FIG4: variants seen among roughly 807,000 people sequenced by gnomAD.
The protein encoded by FIG4 is FIG4 phosphoinositide 5-phosphatase.
Under a neutral mutation model 118.6 loss-of-function variants are expected in FIG4, and 112 were observed. The observed-to-expected ratio is 0.94, with a 90% CI of 0.81 to 1.11. The LOEUF is 1.11. FIG4 is among the 50% of genes least tolerant of loss of function. FIG4 has a pLI of 0.00. For missense variants in FIG4, 969 were observed against 1,111.7 expected (o/e 0.87, Z 1.83); for synonymous variants, 369 against 381.2 (o/e 0.97, Z 0.37).
At chr6:109,698,980 ACT>A (rs1774819182) in intron 1 of FIG4, among the ~76,000 whole-genome samples, 1 of 152,164 alleles carries the variant, frequency 6.6e-6, no homozygotes, top group Non-Finnish European at 1.5e-5. Context: ...TATCAGGATA[ACT>A]CTAGCTTCAT....
Position 109,789,566 on chromosome 6 carries a change from A to G in FIG4, c.2097-28A>G, listed in dbSNP as rs372095573. 4.7e-6 allele frequency: 7 copies of G among 1,504,448 alleles called. No homozygotes were observed. The African/African-American group carries it at 8.2e-5, about 18-fold the overall frequency. The allele number at this position is 1,504,448 out of a possible 1,614,324, so 93.2% of individuals were successfully genotyped here. ...ATCATCTGGATGGACAGTAATTCAT[A>G]TGTAATTGTGTTTTCACCTTTCTTT... is the stretch of plus-strand genomic sequence containing the variant. On this transcript the variant is annotated intron_variant, in intron 18 of 22. Coordinates refer to ENST00000230124, the MANE Select transcript of FIG4 (RefSeq NM_014845.6).
At chr6:109,723,157 T>G (rs1421029340) in intron 3 of FIG4, among the ~76,000 whole-genome samples, 2 of 152,228 alleles carry the variant, frequency 1.3e-5, no homozygotes, top group African/African-American at 2.4e-5. Flanking sequence ...TGTTTTCCTT[T>G]GTTTTTATTA....
chr6:109,714,907 G>C (rs1292026361), intron 1 of FIG4, among the ~76,000 whole-genome samples, 171 bp from the exon 2 acceptor site: 1 of 152,120 alleles, frequency 6.6e-6, no homozygotes, highest in Non-Finnish European at 1.5e-5. Context: ...TTTTAAAATT[G>C]ACCTTTTGGA....
intron 1 of FIG4, among the ~76,000 whole-genome samples, chr6:109,693,734 G>C (rs562599129): frequency 5.9e-5 from 9 of 152,146 alleles, no homozygotes; most frequent in Non-Finnish European, 1.3e-4. Flanking sequence ...TCATGGCCAG[G>C]GGGGGTCTGG....
chr6:109,726,573 G>A (rs951191174), intron 3 of FIG4, among the ~76,000 whole-genome samples: 11 of 151,810 alleles, frequency 7.2e-5, no homozygotes, highest in Admixed American at 4.6e-4. Flanking sequence ...GGATTGTCTT[G>A]GTGTCTTGGC....
intron 22 of FIG4, among the ~76,000 whole-genome samples, chr6:109,815,957 A>C (rs765840180): frequency 4.6e-5 from 7 of 152,158 alleles, no homozygotes; most frequent in Non-Finnish European, 8.8e-5. Flanking sequence ...CTAACAGATT[A>C]TAGGCCATGT....
chr6:109,768,681 G>T (rs975663272), intron 15 of FIG4, among the ~76,000 whole-genome samples: 4 of 152,160 alleles, frequency 2.6e-5, no homozygotes, highest in African/African-American at 9.7e-5. Context: ...GGATGAGTGT[G>T]CTGGCAAGAC....
intron 7 of FIG4, among the ~76,000 whole-genome samples, chr6:109,739,408 A>G (rs1267878633): frequency 1.3e-5 from 2 of 152,106 alleles, no homozygotes; most frequent in Admixed American, 6.6e-5. Context: ...GCATTTTTGC[A>G]TTCAGCATGT....
At chr6:109,726,890 A>G (rs2128383958) in intron 3 of FIG4, among the ~76,000 whole-genome samples, 1 of 152,276 alleles carries the variant, frequency 6.6e-6, no homozygotes, top group Middle Eastern at 3.4e-3. Context: ...GAGATCACTC[A>G]TGATTTGGCT....
chr6:109,825,211 A>T lies in FIG4; in HGVS notation c.2670A>T (p.Leu890=), dbSNP rs772563105. ...IQASQGIMQP[L]GKEDSSMYRE... ...CCAGCCAAGGTATCATGCAGCCCCT[A>T]GGAAAAGAGGACTCCTCCATGTACC... The change falls in exon 23 of 23, where the codon CTA becomes CTT. Residue 890 remains leucine, a synonymous_variant. Coordinates refer to ENST00000230124, the MANE Select transcript of FIG4 (RefSeq NM_014845.6). 1 of 1,614,122 alleles carries T rather than the reference A, an allele frequency of 6.2e-7. No homozygotes were observed. The highest frequency in any genetic ancestry group is 2.2e-5 in the East Asian group (1 of 44,864).
intron 3 of FIG4, among the ~76,000 whole-genome samples, chr6:109,722,158 T>C (rs1775630761): frequency 6.6e-6 from 1 of 152,030 alleles, no homozygotes; most frequent in Non-Finnish European, 1.5e-5. Context: ...AGTAAAGTTG[T>C]CATCAGCTTT....
At chr6:109,808,432 A>G (rs1007096418) in intron 22 of FIG4, among the ~76,000 whole-genome samples, 4 of 151,376 alleles carry the variant, frequency 2.6e-5, no homozygotes, top group African/African-American at 7.3e-5. Flanking sequence ...AGTAAAAATT[A>G]TTAAATATCA....
intron 4 of FIG4, among the ~76,000 whole-genome samples, chr6:109,731,172 C>A (rs1308766682): frequency 6.6e-6 from 1 of 152,190 alleles, no homozygotes; most frequent in African/African-American, 2.4e-5. Context: ...ATCAGAATAT[C>A]TGCTGTCATC....
At chr6:109,765,221 A>C in intron 14 of FIG4, 60 bp downstream of exon 14, 1 of 1,440,912 alleles carries the variant, frequency 6.9e-7, no homozygotes, top group Non-Finnish European at 9.8e-7. Flanking sequence ...CCTGGTTACT[A>C]ATAAGATTTT....
intron 8 of FIG4, among the ~76,000 whole-genome samples, chr6:109,742,595 A>G (rs1776359289): frequency 6.6e-6 from 1 of 152,176 alleles, no homozygotes; most frequent in Non-Finnish European, 1.5e-5. Context: ...TTGAATATTC[A>G]AAGGATAATC....
At chr6:109,759,760 T>G (rs1433207486) in intron 10 of FIG4, among the ~76,000 whole-genome samples, 1 of 152,230 alleles carries the variant, frequency 6.6e-6, no homozygotes, top group Non-Finnish European at 1.5e-5. Flanking sequence ...ATGCCTGTTT[T>G]GGTTATCTCA....
intron 10 of FIG4, among the ~76,000 whole-genome samples, chr6:109,755,924 T>A (rs1776879096): frequency 6.6e-6 from 1 of 152,254 alleles, no homozygotes; most frequent in East Asian, 1.9e-4. Flanking sequence ...TTGGAGCATT[T>A]AGTCCATTTA....
At chr6:109,733,027 T>C (rs1340914557) in intron 5 of FIG4, among the ~76,000 whole-genome samples, 2 of 152,118 alleles carry the variant, frequency 1.3e-5, no homozygotes, top group Admixed American at 1.3e-4. Context: ...ATTTCATTGT[T>C]CAACTTTTAG....
At chr6:109,789,368 A>G (rs750660671) in intron 18 of FIG4, among the ~76,000 whole-genome samples, 4 of 152,082 alleles carry the variant, frequency 2.6e-5, no homozygotes, top group East Asian at 1.9e-4. Context: ...TTATGTCCCT[A>G]TTGGGCCTCG....
Sources: gnomAD v4.1 joint callset for allele counts (sites outside exome capture counted in the v4.1 genomes callset) on GRCh38, gnomAD v4.1.1 for gene constraint, MANE v1.5 for transcripts, NCBI Gene and HGNC (gene_info 2026-07-23, HGNC 2026-07-21) for gene names.